The following SLC4A7 variants were observed in gnomAD, a reference collection of about 807,000 sequenced individuals.
SLC4A7 encodes the protein sodium bicarbonate cotransporter 3.
A neutral mutation model predicts 137.6 loss-of-function variants in SLC4A7; 51 were observed. The ratio of observed to expected loss-of-function variants is 0.37; its 90% CI spans 0.30 to 0.47. SLC4A7 has a LOEUF of 0.47. SLC4A7 is among the 20% of genes least tolerant of loss of function. SLC4A7 has a pLI of 1.00. For missense variants in SLC4A7, 1,247 were observed against 1,525.4 expected (o/e 0.82, Z 3.04); for synonymous variants, 542 against 518.6 (o/e 1.05, Z -0.61).
At chr3:27,476,414 T>C (rs531352023) in intron 1 of SLC4A7, among the ~76,000 whole-genome samples, 2 of 152,240 alleles carry the variant, frequency 1.3e-5, no homozygotes, top group South Asian at 2.1e-4. Flanking sequence ...TTTTTCTTAA[T>C]GGTTAATACC....
intron 1 of SLC4A7, among the ~76,000 whole-genome samples, chr3:27,474,848 G>A (rs1442149303): frequency 6.6e-6 from 1 of 151,952 alleles, no homozygotes; most frequent in Non-Finnish European, 1.5e-5. Flanking sequence ...CAGGCCAGGC[G>A]CGGTGGCTCA....
chr3:27,442,546 C>A (rs2057283523), intron 3 of SLC4A7, among the ~76,000 whole-genome samples: 1 of 151,714 alleles, frequency 6.6e-6, no homozygotes, highest in Non-Finnish European at 1.5e-5. Flanking sequence ...ATTCTTGTGC[C>A]TCAGCTGGGA....
chr3:27,438,925 C>G (rs2056973887), intron 3 of SLC4A7, among the ~76,000 whole-genome samples: 1 of 152,108 alleles, frequency 6.6e-6, no homozygotes. Context: ...AACAGATAAC[C>G]CACTCATGGC....
intron 1 of SLC4A7, among the ~76,000 whole-genome samples, chr3:27,471,280 T>A (rs747376507): frequency 1.2e-4 from 19 of 152,188 alleles, no homozygotes; most frequent in Non-Finnish European, 2.5e-4. Context: ...AGGAAGAGAT[T>A]CAGGAAATGA....
At position 27,398,200 on chromosome 3, in the gene SLC4A7, G is replaced by C; in HGVS notation, c.2581C>G (p.Pro861Ala). Reference sequence around the variant, plus strand: ...AATTATATCACAGTTACCTTGGTAGGAAAGTAACGCTTGGTCTTAAATTGC... The same window carrying C: ...AATTATATCACAGTTACCTTGGTAGCAAAGTAACGCTTGGTCTTAAATTGC... ...LKQFKTKRYFPTKVRSTISDF... is the reference protein window; with the variant it reads ...LKQFKTKRYFATKVRSTISDF... The change falls in exon 17 of 26, where the codon CCT becomes GCT. Residue 861 changes from proline to alanine, a missense_variant. Physicochemically the swap from Pro to Ala is conservative, Grantham distance 27. Around this residue, in one of 6 missense-constraint regions of SLC4A7, gnomAD observed 499 missense variants for 664.2 expected, o/e 0.75. Coordinates refer to ENST00000454389, the MANE Select transcript of SLC4A7 (RefSeq NM_001321103.2). The C allele has an allele frequency of 6.2e-7, 1 of 1,606,284 alleles. No homozygotes were observed. The highest frequency in any genetic ancestry group is 8.5e-7 in the Non-Finnish European group (1 of 1,176,546).
At chr3:27,433,125 A>C (rs1485766787) in intron 6 of SLC4A7, 1 of 152,164 alleles carries the variant, frequency 6.6e-6, no homozygotes, top group Non-Finnish European at 1.5e-5. Flanking sequence ...CTATTATTTC[A>C]GGGGTAAAAA....
At chr3:27,478,909 G>A (rs1408199113) in intron 1 of SLC4A7, among the ~76,000 whole-genome samples, 3 of 151,606 alleles carry the variant, frequency 2.0e-5, no homozygotes, top group South Asian at 2.1e-4. Context: ...GGAGGCTGAG[G>A]CACAAGAATC....
rs1002302588 is a variant in SLC4A7 at position 27,484,163 on chromosome 3, T to C, written c.-37A>G. Reference sequence around the variant, plus strand: ...CAGCCCGTGACGGCCGCTACGGTACTGCCCCGCGCGGTCTGCCTGCTTCTG... The same window carrying C: ...CAGCCCGTGACGGCCGCTACGGTACCGCCCCGCGCGGTCTGCCTGCTTCTG... On this transcript the variant is annotated 5_prime_UTR_variant, in exon 1 of 26. Coordinates refer to ENST00000454389, the MANE Select transcript of SLC4A7 (RefSeq NM_001321103.2). The C allele has an allele frequency of 3.1e-6, 4 of 1,274,356 alleles. No homozygotes were observed. Among genetic ancestry groups the C allele is most frequent in the Admixed American group, 8.2e-5 (2 of 24,478 alleles). 78.9% of individuals were successfully genotyped at this position (1,274,356 alleles called of 1,614,324 possible).
intron 16 of SLC4A7, among the ~76,000 whole-genome samples, chr3:27,399,426 C>G (rs1046280898): frequency 5.3e-5 from 8 of 151,980 alleles, no homozygotes; most frequent in Non-Finnish European, 7.4e-5. Context: ...AAGCATGAAT[C>G]TATGTTTTTT....
intron 1 of SLC4A7, among the ~76,000 whole-genome samples, chr3:27,465,218 G>A (rs1261365805): frequency 2.7e-5 from 4 of 149,246 alleles, no homozygotes; most frequent in Non-Finnish European, 5.9e-5. Flanking sequence ...GAACCCAGGA[G>A]GCGGAGTTTG....
At chr3:27,456,119 T>G (rs1325084895) in intron 1 of SLC4A7, among the ~76,000 whole-genome samples, 2 of 152,284 alleles carry the variant, frequency 1.3e-5, no homozygotes, top group East Asian at 3.9e-4. Context: ...AGCAAAGTAT[T>G]AGAAAAAAAG....
Position 27,437,587 on chromosome 3 carries a change from TCA to T in SLC4A7, c.290-63_290-62del, listed in dbSNP as rs534084451. 5.1e-5 allele frequency: 59 copies of T among 1,166,992 alleles called. 1 individual carries two copies. In the South Asian group the frequency reaches 1.2e-3, roughly 25 times the overall value. 72.3% of individuals were successfully genotyped at this position (1,166,992 alleles called of 1,614,324 possible). A position where few individuals can be genotyped will look rare whatever the true frequency, so the allele number is the denominator to read the frequency against. On this transcript the variant is annotated intron_variant, in intron 3 of 25. Transcript: ENST00000454389. The stretch of plus-strand genomic sequence containing the variant: ...TTCCTCAAGTCATTCAAAGATAAAT[TCA>T]CAGTTTTGAAAATGAAACACTTTTG...
At chr3:27,389,841 CT>C (rs2051350186) in intron 22 of SLC4A7, 89 bp downstream of exon 22, 1 of 1,017,354 alleles carries the variant, frequency 9.8e-7, no homozygotes, top group African/African-American at 1.6e-5. Context: ...ACGCATTATT[CT>C]TTTTCTCAAA....
At chr3:27,389,825 C>A in intron 22 of SLC4A7, 106 bp downstream of exon 22, 1 of 850,384 alleles carries the variant, frequency 1.2e-6, no homozygotes, top group Non-Finnish European at 1.8e-6. Flanking sequence ...ACCTAAGGTA[C>A]TTAAAACGCA....
rs905100281 is a variant in SLC4A7 at position 27,376,524 on chromosome 3, AT to A, written c.*239del. 1.0e-4 allele frequency: 29 copies of A among 280,964 alleles called. No homozygotes were observed. Among genetic ancestry groups the A allele is most frequent in the East Asian group, 1.8e-4 (3 of 16,662 alleles). The allele number at this position is 280,964 out of a possible 1,614,324, so 17.4% of individuals were successfully genotyped here. A position where few individuals can be genotyped will look rare whatever the true frequency, so the allele number is the denominator to read the frequency against. On this transcript the variant is annotated 3_prime_UTR_variant, in exon 26 of 26. Coordinates refer to ENST00000454389, the MANE Select transcript of SLC4A7 (RefSeq NM_001321103.2). ...ACATCCTTCTATTGCAAAACAGAAA[AT>A]TTTTTTTTCTAACAGAATAAATATT... is the stretch of plus-strand genomic sequence containing the variant.
At chr3:27,459,762 C>T (rs867365593) in intron 1 of SLC4A7, among the ~76,000 whole-genome samples, 5 of 152,048 alleles carry the variant, frequency 3.3e-5, no homozygotes, top group Admixed American at 2.0e-4. Context: ...GCATTCCTCC[C>T]ATTCCCACTT....
At chr3:27,426,861 C>T (rs1417024176) in intron 7 of SLC4A7, among the ~76,000 whole-genome samples, 1 of 151,518 alleles carries the variant, frequency 6.6e-6, no homozygotes, top group African/African-American at 2.4e-5. Flanking sequence ...ATAATAAATT[C>T]CTAGCATTCA....
Position 27,379,335 on chromosome 3 carries a change from G to A in SLC4A7, c.3612C>T (p.Asn1204=), listed in dbSNP as rs1445128714. 6.5e-7 allele frequency: 1 copy of A among 1,532,394 alleles called. No individual in the cohort carries two copies. The highest frequency in any genetic ancestry group is 8.7e-7 in the Non-Finnish European group (1 of 1,143,358). The allele number at this position is 1,532,394 out of a possible 1,614,324, so 94.9% of individuals were successfully genotyped here. A position where few individuals can be genotyped will look rare whatever the true frequency, so the allele number is the denominator to read the frequency against. Residue 1204 remains asparagine (N), a synonymous_variant, in exon 25 of 26, where the codon AAC becomes AAT. Transcript: ENST00000454389. ...CAGTTTTGGCCATTTCATCTGATAT[G>A]TTAACAATTGAGGGATCAACACTGA... ...LKYSVDPSIV[N]ISDEMAKTAQ... is the part of the protein sequence containing the mutation.
intron 25 of SLC4A7, among the ~76,000 whole-genome samples, chr3:27,377,373 TAG>T (rs1054531713): frequency 2.1e-4 from 32 of 152,298 alleles, no homozygotes; most frequent in African/African-American, 7.5e-4. Context: ...TACATATATA[TAG>T]AACAAATATT....
Sources: gnomAD v4.1 joint callset for allele counts (sites outside exome capture counted in the v4.1 genomes callset) on GRCh38, gnomAD v4.1.1 for gene constraint, gnomAD v4.1.1 regional missense constraint, MANE v1.5 for transcripts, NCBI Gene and HGNC (gene_info 2026-07-23, HGNC 2026-07-21) for gene names.